The following EXOC6 variants were observed in gnomAD, a reference collection of about 807,000 sequenced individuals.
EXOC6 encodes exocyst complex component 6, also known as SEC15-like 1.
A neutral mutation model predicts 112.5 loss-of-function variants in EXOC6; 60 were observed. The observed-to-expected ratio is 0.53, with a 90% CI of 0.43 to 0.66. The LOEUF (loss-of-function observed/expected upper bound fraction) is 0.66, where lower values mean the gene tolerates loss of function less well. Ranked by LOEUF, EXOC6 falls within the 30% of genes least tolerant of loss-of-function variation. The pLI, the probability that EXOC6 is intolerant of heterozygous loss-of-function variation, is 0.00. For synonymous variants in EXOC6, 295 were observed against 308.0 expected (o/e 0.96, Z 0.44); for missense variants, 855 against 957.1 (o/e 0.89, Z 1.41).
At chr10:92,953,343 T>G (rs1853525436) in intron 15 of EXOC6, among the ~76,000 whole-genome samples, 1 of 152,152 alleles carries the variant, frequency 6.6e-6, no homozygotes, top group Non-Finnish European at 1.5e-5. Flanking sequence ...CCTCCCAAAG[T>G]GCTGAGATTA....
intron 18 of EXOC6, among the ~76,000 whole-genome samples, chr10:92,975,829 C>G: frequency 7.3e-6 from 1 of 136,654 alleles, no homozygotes; most frequent in African/African-American, 2.8e-5. Flanking sequence ...CCGCCCCGTC[C>G]GGGAGGTGAG....
At chr10:92,890,096 A>T (rs191444840) in intron 1 of EXOC6, among the ~76,000 whole-genome samples, 1 of 152,244 alleles carries the variant, frequency 6.6e-6, no homozygotes, top group Non-Finnish European at 1.5e-5. Flanking sequence ...CTTCCTCTTC[A>T]TAAACATGGA....
At chr10:92,990,376 C>T (rs1424809876) in intron 18 of EXOC6, among the ~76,000 whole-genome samples, 1 of 152,102 alleles carries the variant, frequency 6.6e-6, no homozygotes, top group Non-Finnish European at 1.5e-5. Flanking sequence ...TTCCTGATGT[C>T]AAACATTGCA....
chr10:92,851,133 A>G (rs917186186), intron 1 of EXOC6, among the ~76,000 whole-genome samples: 5 of 152,224 alleles, frequency 3.3e-5, no homozygotes, highest in African/African-American at 1.2e-4. Context: ...ATGGCACCAA[A>G]CACCTCTACT....
At chr10:93,006,420 A>G (rs1306000352) in intron 19 of EXOC6, among the ~76,000 whole-genome samples, 2 of 152,300 alleles carry the variant, frequency 1.3e-5, no homozygotes, top group African/African-American at 4.8e-5. Flanking sequence ...TACCTAACCT[A>G]TCTGATGGAG....
At chr10:92,896,145 GTGTATA>G (rs1226407538) in intron 4 of EXOC6, among the ~76,000 whole-genome samples, 2 of 20,306 alleles carry the variant, frequency 9.8e-5, no homozygotes, top group African/African-American at 3.0e-4. Flanking sequence ...GTGTATGTAT[GTGTATA>G]TATATATATA....
chr10:92,835,559 T>A (rs548777866), intron 1 of EXOC6, among the ~76,000 whole-genome samples: 2 of 151,922 alleles, frequency 1.3e-5, no homozygotes, highest in African/African-American at 4.8e-5. Flanking sequence ...TGACTAATAT[T>A]TGTAGATTAA....
intron 6 of EXOC6, among the ~76,000 whole-genome samples, chr10:92,911,944 T>C (rs201776160): frequency 2.2e-4 from 12 of 55,720 alleles, no homozygotes; most frequent in East Asian, 0.015. Flanking sequence ...TGTGCGTGTG[T>C]GTGTGTGTGT....
intron 7 of EXOC6, among the ~76,000 whole-genome samples, chr10:92,917,115 A>G (rs1851133347): frequency 6.6e-6 from 1 of 151,856 alleles, no homozygotes; most frequent in East Asian, 1.9e-4. Context: ...GGCATGCGCC[A>G]CCATGCCCGG....
chr10:92,827,099 A>G (rs1298479115), intron 1 of EXOC6, among the ~76,000 whole-genome samples: 5 of 152,208 alleles, frequency 3.3e-5, no homozygotes, highest in Non-Finnish European at 7.3e-5. Flanking sequence ...ACAGTTTCCT[A>G]TGAATGCGCT....
At chr10:92,923,432 C>T (rs975416013) in intron 8 of EXOC6, among the ~76,000 whole-genome samples, 2 of 152,270 alleles carry the variant, frequency 1.3e-5, no homozygotes, top group East Asian at 1.9e-4. Context: ...GTCAGGGAGT[C>T]GCTTAGCTGG....
intron 7 of EXOC6, among the ~76,000 whole-genome samples, chr10:92,917,531 T>C (rs547817915): frequency 2.9e-4 from 36 of 124,992 alleles, no homozygotes; most frequent in Non-Finnish European, 4.9e-4. Flanking sequence ...CTTTTTTTCT[T>C]TCTTTTTTTT....
intron 20 of EXOC6, among the ~76,000 whole-genome samples, chr10:93,050,711 G>C (rs1261107995): frequency 3.9e-5 from 5 of 126,998 alleles, no homozygotes; most frequent in African/African-American, 1.2e-4. Context: ...AGTGAGCCGA[G>C]ATCACGCCAC....
intron 20 of EXOC6, among the ~76,000 whole-genome samples, chr10:93,030,209 A>C (rs1326449957): frequency 6.6e-6 from 1 of 151,904 alleles, no homozygotes; most frequent in African/African-American, 2.4e-5. Context: ...CGACTAGCCT[A>C]GTTTTTTCTG....
At chr10:92,859,750 C>T (rs1414925724) in intron 1 of EXOC6, among the ~76,000 whole-genome samples, 1 of 151,982 alleles carries the variant, frequency 6.6e-6, no homozygotes, top group Non-Finnish European at 1.5e-5. Context: ...TTTACCTTAA[C>T]CTGCAACAAT....
chr10:92,890,560 G>A (rs918885554), intron 1 of EXOC6, among the ~76,000 whole-genome samples: 5 of 152,176 alleles, frequency 3.3e-5, no homozygotes, highest in African/African-American at 9.6e-5. Context: ...GTGTGAAACA[G>A]AGAGTATATT....
At chr10:92,934,462 T>C (rs761895415) in intron 11 of EXOC6, 32 bp downstream of exon 11, 43 of 1,515,606 alleles carry the variant, frequency 2.8e-5, no homozygotes, top group Non-Finnish European at 3.8e-5. Context: ...ACTAAAATTT[T>C]AATTCAGTTA....
intron 17 of EXOC6, among the ~76,000 whole-genome samples, chr10:92,968,779 A>G (rs1029523570): frequency 3.0e-4 from 45 of 152,226 alleles, no homozygotes; most frequent in African/African-American, 1.1e-3. Flanking sequence ...CAGCCCTGTG[A>G]GATGGGGATG....
chr10:92,982,812 G>A (rs1055407670), intron 18 of EXOC6, among the ~76,000 whole-genome samples: 4 of 152,094 alleles, frequency 2.6e-5, no homozygotes, highest in African/African-American at 9.7e-5. Flanking sequence ...GCTTTGGGCT[G>A]TAGTGTTTTA....
Sources: gnomAD v4.1 joint callset for allele counts (sites outside exome capture counted in the v4.1 genomes callset) on GRCh38, gnomAD v4.1.1 for gene constraint, MANE v1.5 for transcripts, NCBI Gene and HGNC (gene_info 2026-07-23, HGNC 2026-07-21) for gene names.